Variants in DIP2C observed in about 807,000 individuals in gnomAD.
The protein encoded by DIP2C is DIP2 acetate--CoA ligase C (putative).
Under a neutral mutation model 192.4 loss-of-function variants are expected in DIP2C, and 33 were observed. The observed-to-expected ratio is 0.17, with a 90% CI of 0.13 to 0.23. The LOEUF (loss-of-function observed/expected upper bound fraction) is 0.23, where lower values mean the gene tolerates loss of function less well. DIP2C is among the 10% of genes least tolerant of loss of function. The probability of loss-of-function intolerance (pLI) is 1.00; values close to 1 mark genes in which losing one functional copy is unlikely to be tolerated. For synonymous variants in DIP2C, 979 were observed against 864.1 expected (o/e 1.13, Z -2.33); for missense variants, 1,537 against 2,110.1 (o/e 0.73, Z 5.32).
chr10:509,489 A>G (rs1845862680), intron 1 of DIP2C, among the ~76,000 whole-genome samples: 1 of 152,160 alleles, frequency 6.6e-6, no homozygotes, highest in African/African-American at 2.4e-5. Context: ...CCCCAAAGAC[A>G]GACTACGGAG....
intron 1 of DIP2C, chr10:650,563 G>A: frequency 3.1e-6 from 2 of 636,870 alleles, no homozygotes; most frequent in Non-Finnish European, 5.7e-6. Flanking sequence ...ATGGGATGCA[G>A]AGCCAGGAGG....
At chr10:511,872 G>T (rs1276416798) in intron 1 of DIP2C, among the ~76,000 whole-genome samples, 1 of 152,234 alleles carries the variant, frequency 6.6e-6, no homozygotes, top group African/African-American at 2.4e-5. Flanking sequence ...GCTTTAACCT[G>T]TGTGACACGA....
chr10:584,341 T>TA (rs1210039483), intron 1 of DIP2C, among the ~76,000 whole-genome samples: 1 of 152,138 alleles, frequency 6.6e-6, no homozygotes, highest in African/African-American at 2.4e-5. Context: ...TCTGTGTTTT[T>TA]AGGAAATCAG....
intron 1 of DIP2C, among the ~76,000 whole-genome samples, chr10:589,331 T>C (rs1053503492): frequency 6.6e-6 from 1 of 152,206 alleles, no homozygotes; most frequent in African/African-American, 2.4e-5. Flanking sequence ...AAAAGTTTAA[T>C]TTTGATGAAG....
chr10:364,983 T>C (rs141648884), intron 19 of DIP2C: 334 of 534,444 alleles, frequency 6.2e-4, no homozygotes, highest in African/African-American at 5.8e-3. Flanking sequence ...GTAATCTCTC[T>C]TCATTCATAA....
At chr10:413,465 C>T (rs1220840031) in intron 8 of DIP2C, among the ~76,000 whole-genome samples, 2 of 152,204 alleles carry the variant, frequency 1.3e-5, no homozygotes, top group Non-Finnish European at 2.9e-5. Context: ...GATCTAACAT[C>T]TTATTAGAGC....
chr10:355,772 T>C (rs984783563), intron 24 of DIP2C, among the ~76,000 whole-genome samples: 11 of 152,326 alleles, frequency 7.2e-5, no homozygotes, highest in African/African-American at 2.2e-4. Context: ...ACATAACTTC[T>C]GGTGTATAAA....
rs573503285 is a variant in DIP2C, at chr10:514,475, G to A, written c.86-27945C>T. On this transcript the variant is annotated intron_variant, in intron 1 of 36. Transcript: ENST00000280886. ...ATTTACACTGCAACCCTGCAGGGCC[G>A]TTCGCAATGTTCACCAGAGGGTTCT... 2.3e-4 allele frequency among the ~76,000 whole-genome samples: 35 copies of A among 152,284 alleles called. No individual in the cohort carries two copies. The South Asian group carries it at 6.6e-3, about 29-fold the overall frequency.
At chr10:418,603 T>C (rs1392696596) in intron 6 of DIP2C, among the ~76,000 whole-genome samples, 2 of 152,206 alleles carry the variant, frequency 1.3e-5, no homozygotes, top group Non-Finnish European at 2.9e-5. Context: ...AAGTCACCGA[T>C]ATCTCTGTCC....
intron 1 of DIP2C, chr10:650,446 G>A (rs1564305132): frequency 1.4e-6 from 1 of 709,366 alleles, no homozygotes; most frequent in Non-Finnish European, 2.6e-6. Context: ...ATCTATGGTA[G>A]GTGACCCGGT....
At chr10:582,949 T>TA (rs1850760755) in intron 1 of DIP2C, among the ~76,000 whole-genome samples, 1 of 152,240 alleles carries the variant, frequency 6.6e-6, no homozygotes, top group Admixed American at 6.5e-5. Flanking sequence ...GTGTTACCTC[T>TA]TGGGAAAATG....
At chr10:597,961 C>T (rs935991000) in intron 1 of DIP2C, among the ~76,000 whole-genome samples, 1 of 152,192 alleles carries the variant, frequency 6.6e-6, no homozygotes, top group Non-Finnish European at 1.5e-5. Context: ...TTCCCTCTAC[C>T]CCACGGTTCC....
chr10:368,652 C>G (rs2132772474), intron 18 of DIP2C, among the ~76,000 whole-genome samples: 1 of 152,356 alleles, frequency 6.6e-6, no homozygotes, highest in Non-Finnish European at 1.5e-5. Flanking sequence ...CTCTGTGAGA[C>G]TCCATGGGGC....
chr10:476,573 C>T (rs939458803), intron 2 of DIP2C, among the ~76,000 whole-genome samples: 9 of 152,178 alleles, frequency 5.9e-5, no homozygotes, highest in Non-Finnish European at 1.0e-4. Context: ...TCCATGAGTG[C>T]GAGCGGCCCG....
intron 1 of DIP2C, among the ~76,000 whole-genome samples, chr10:608,014 C>T (rs1304991749): frequency 6.6e-6 from 1 of 151,546 alleles, no homozygotes; most frequent in Admixed American, 6.6e-5. Context: ...CAGGTGCGGT[C>T]AAGTCATATG....
intron 4 of DIP2C, among the ~76,000 whole-genome samples, chr10:426,193 T>C (rs1457127049): frequency 1.3e-5 from 2 of 152,160 alleles, no homozygotes; most frequent in Non-Finnish European, 2.9e-5. Flanking sequence ...GATATACATA[T>C]ACTAGCAATA....
intron 1 of DIP2C, among the ~76,000 whole-genome samples, chr10:585,702 C>T (rs1026485280): frequency 1.3e-5 from 2 of 152,176 alleles, no homozygotes; most frequent in African/African-American, 4.8e-5. Context: ...CACCACTCTG[C>T]TCTCTACTGC....
chr10:676,981 G>A (rs1373579486), intron 1 of DIP2C, among the ~76,000 whole-genome samples: 1 of 152,140 alleles, frequency 6.6e-6, no homozygotes, highest in Non-Finnish European at 1.5e-5. Context: ...TGAGATGATG[G>A]ACATGCTAAT....
rs372726101 is a variant in DIP2C at position 649,296 on chromosome 10, G to T, written c.85+40198C>A. 2.0e-3 allele frequency among the ~76,000 whole-genome samples: 306 copies of T among 149,438 alleles called. 2 individuals are homozygous for T. Among genetic ancestry groups the T allele is most frequent in the African/African-American group, 7.3e-3 (296 of 40,534 alleles). On this transcript the variant is annotated intron_variant, in intron 1 of 36. Coordinates refer to ENST00000280886, the MANE Select transcript of DIP2C (RefSeq NM_014974.3). ...CACGTCAACATTTGAGGGTGGGAGAGAACAGAGGGAAACTGAGTCCACGTC... is the reference window on the plus strand; with the variant it reads ...CACGTCAACATTTGAGGGTGGGAGATAACAGAGGGAAACTGAGTCCACGTC...
Sources: allele counts gnomAD v4.1 joint callset (sites outside exome capture counted in the v4.1 genomes callset), GRCh38; gene constraint gnomAD v4.1.1; transcripts MANE v1.5; gene names NCBI Gene and HGNC (gene_info 2026-07-23, HGNC 2026-07-21).